The following ENTREP2 variants were observed in gnomAD, a reference collection of about 807,000 sequenced individuals.
ENTREP2 encodes protein ENTREP2.
the ENTREP2 span, among the ~76,000 whole-genome samples, chr15:29,302,384 G>T: frequency 6.6e-6 from 1 of 152,184 alleles, no homozygotes; most frequent in African/African-American, 2.4e-5. Flanking sequence ...TGATGCTGGT[G>T]AGTTAAGGAG....
the ENTREP2 span, among the ~76,000 whole-genome samples, chr15:29,444,154 CAGAAAGAAAGACAGACAA>C: frequency 0.093 from 5,065 of 54,720 alleles, 523 homozygotes; most frequent in Non-Finnish European, 0.13. Context: ...GAAAGACAGA[CAGAAAGAAAGACAGACAA>C]AGAAAGAAAG....
the ENTREP2 span, among the ~76,000 whole-genome samples, chr15:29,178,713 G>T: frequency 6.6e-6 from 1 of 152,050 alleles, no homozygotes; most frequent in Non-Finnish European, 1.5e-5. Flanking sequence ...GATGTTTACA[G>T]TTCTTGAGTT....
the ENTREP2 span, among the ~76,000 whole-genome samples, chr15:29,411,047 T>C: frequency 6.6e-6 from 1 of 152,170 alleles, no homozygotes; most frequent in South Asian, 2.1e-4. Flanking sequence ...CCTCCCAAAC[T>C]GCTGAGATTA....
At chr15:29,674,906 A>C in the ENTREP2 span, 4 of 152,590 alleles carry the variant, frequency 2.6e-5, no homozygotes, top group Non-Finnish European at 1.5e-5. Flanking sequence ...CCTCGCCCCT[A>C]GTCCCCGGCG....
chr15:29,649,745 AGAAAGAAAG>A, the ENTREP2 span, among the ~76,000 whole-genome samples: 5 of 146,200 alleles, frequency 3.4e-5, no homozygotes, highest in African/African-American at 1.3e-4. Flanking sequence ...AAAAAAAAAA[AGAAAGAAAG>A]AAAGAAAAAA....
the ENTREP2 span, among the ~76,000 whole-genome samples, chr15:29,205,548 G>A: frequency 1.6e-4 from 25 of 152,228 alleles, 1 homozygote; most frequent in East Asian, 4.1e-3. Flanking sequence ...CTCTGGTTTC[G>A]AGTTGCATTT....
At chr15:29,121,598 T>G in the ENTREP2 span, 1 of 152,330 alleles carries the variant, frequency 6.6e-6, no homozygotes, top group African/African-American at 2.4e-5. Context: ...GCAAAGGGAC[T>G]TGCCTTGAGG....
the ENTREP2 span, among the ~76,000 whole-genome samples, chr15:29,219,248 A>G: frequency 6.6e-6 from 1 of 152,216 alleles, no homozygotes; most frequent in East Asian, 1.9e-4. Flanking sequence ...AAGGCAAATC[A>G]AAACCATAAT....
the ENTREP2 span, among the ~76,000 whole-genome samples, chr15:29,155,237 G>T: frequency 6.7e-6 from 1 of 150,228 alleles, no homozygotes; most frequent in Non-Finnish European, 1.5e-5. Context: ...AGCCAAGATC[G>T]CGCCACTGCA....
the ENTREP2 span, among the ~76,000 whole-genome samples, chr15:29,552,807 G>A: frequency 3.3e-5 from 5 of 152,096 alleles, no homozygotes; most frequent in African/African-American, 9.7e-5. Context: ...GAATTTTAAA[G>A]TACCTTTTTC....
the ENTREP2 span, among the ~76,000 whole-genome samples, chr15:29,289,414 C>T: frequency 2.6e-5 from 4 of 151,912 alleles, no homozygotes; most frequent in South Asian, 2.1e-4. Context: ...ACATCAAGTG[C>T]GGGTGATAAT....
chr15:29,387,812 A>G, the ENTREP2 span, among the ~76,000 whole-genome samples: 1 of 151,738 alleles, frequency 6.6e-6, no homozygotes, highest in African/African-American at 2.4e-5. Context: ...CAGAAATAAT[A>G]CCACACATCT....
At chr15:29,118,141 C>T in the ENTREP2 span, 7 of 152,670 alleles carry the variant, frequency 4.6e-5, no homozygotes, top group Admixed American at 1.3e-4. Context: ...CATCTTGTCT[C>T]GAAGTCTCTT....
chr15:29,479,982 A>G, the ENTREP2 span, among the ~76,000 whole-genome samples: 1 of 152,080 alleles, frequency 6.6e-6, no homozygotes, highest in African/African-American at 2.4e-5. Context: ...GCATCAACAG[A>G]TATATCCCCT....
chr15:29,412,877 G>C, the ENTREP2 span, among the ~76,000 whole-genome samples: 32,850 of 151,278 alleles, frequency 0.22, 3,895 homozygotes, highest in Middle Eastern at 0.41. Flanking sequence ...AAGTAAATCT[G>C]ATCACTTCAT....
At chr15:29,425,239 T>C in the ENTREP2 span, among the ~76,000 whole-genome samples, 1 of 151,546 alleles carries the variant, frequency 6.6e-6, no homozygotes, top group African/African-American at 2.4e-5. Flanking sequence ...GGGGTTTCAC[T>C]GTGTTAGCCA....
chr15:29,183,694 G>T, the ENTREP2 span, among the ~76,000 whole-genome samples: 4 of 152,108 alleles, frequency 2.6e-5, no homozygotes, highest in Non-Finnish European at 5.9e-5. Flanking sequence ...TACCAAATGC[G>T]TCAACTTTGA....
chr15:29,666,087 CT>C, the ENTREP2 span, among the ~76,000 whole-genome samples: 1 of 151,910 alleles, frequency 6.6e-6, no homozygotes, highest in South Asian at 2.1e-4. Flanking sequence ...GAACTCCTGA[CT>C]TCAGGTGATC....
At chr15:29,318,831 T>A in the ENTREP2 span, among the ~76,000 whole-genome samples, 1 of 152,208 alleles carries the variant, frequency 6.6e-6, no homozygotes, top group Non-Finnish European at 1.5e-5. Flanking sequence ...GTTGGCTTAG[T>A]GCAAAAGATG....
Sources: allele counts gnomAD v4.1 joint callset (sites outside exome capture counted in the v4.1 genomes callset), GRCh38; gene constraint gnomAD v4.1.1; transcripts MANE v1.5; gene names NCBI Gene and HGNC (gene_info 2026-07-23, HGNC 2026-07-21).